The following SLC4A4 variants were observed in gnomAD, a reference collection of about 807,000 sequenced individuals.
SLC4A4 encodes electrogenic sodium bicarbonate cotransporter 1.
Under a neutral mutation model 111.5 loss-of-function variants are expected in SLC4A4, and 27 were observed. The ratio of observed to expected loss-of-function variants is 0.24; its 90% CI spans 0.18 to 0.33. The LOEUF is 0.33. Ranked by LOEUF, SLC4A4 falls within the 10% of genes least tolerant of loss-of-function variation. The probability of loss-of-function intolerance (pLI) is 1.00; values close to 1 mark genes in which losing one functional copy is unlikely to be tolerated. For synonymous variants in SLC4A4, 443 were observed against 463.4 expected, an observed-to-expected ratio of 0.96 and a Z score of 0.57; for missense variants, 909 against 1,315.5, an observed-to-expected ratio of 0.69 and a Z score of 4.78.
At position 71,571,809 on chromosome 4, in the gene SLC4A4, A is replaced by G. The variant is rs1338552021; in HGVS notation, c.*4058A>G. On this transcript the variant is annotated 3_prime_UTR_variant, in exon 26 of 26. Transcript: ENST00000264485. ...CTTATTTTTATTCTCTTAAGTCTTT[A>G]TTAACTTTGGAGAGAGAAATGATGC... 6.6e-6 allele frequency: 1 copy of G among 152,224 alleles called. No homozygotes were observed. Among genetic ancestry groups the G allele is most frequent in the Admixed American group, 6.6e-5 (1 of 15,172 alleles). The allele number at this position is 152,224 out of a possible 1,614,324, so 9.4% of individuals were successfully genotyped here.
chr4:71,124,973 A>G (rs374002343), intron 2 of SLC4A4, among the ~76,000 whole-genome samples: 43 of 152,372 alleles, frequency 2.8e-4, no homozygotes, highest in African/African-American at 1.0e-3. Flanking sequence ...TTCAGACTGT[A>G]TGTCAGATGA....
In SLC4A4 at chr4:71,066,510, T is replaced by C. The variant is rs555976380; in HGVS notation, c.-65+3722T>C. Among the ~76,000 whole-genome samples, 5 of 152,300 alleles carry C rather than the reference T, an allele frequency of 3.3e-5. No homozygotes were observed. The South Asian group carries it at 6.2e-4, about 19-fold the overall frequency. Reference sequence around the variant, plus strand: ...CCCTTTACAAAAATCCCTGAGATGATAAAAATTTAGAAAATAAGAAGTTTT... The same window carrying C: ...CCCTTTACAAAAATCCCTGAGATGACAAAAATTTAGAAAATAAGAAGTTTT... On this transcript the variant is annotated intron_variant, in intron 1 of 26. Coordinates refer to the SLC4A4 transcript ENST00000649996.
intron 2 of SLC4A4, among the ~76,000 whole-genome samples, chr4:71,105,512 C>A (rs556338421): frequency 6.6e-6 from 1 of 151,570 alleles, no homozygotes; most frequent in Non-Finnish European, 1.5e-5. Context: ...CACTACCTGA[C>A]TTGAAACTAT....
intron 1 of SLC4A4, among the ~76,000 whole-genome samples, chr4:71,208,299 C>T (rs889396078): frequency 2.0e-4 from 30 of 151,980 alleles, no homozygotes; most frequent in East Asian, 3.9e-4. Flanking sequence ...GGTGTGGTGG[C>T]GGGCACCTGT....
chr4:71,200,747 G>A (rs1746211979), intron 1 of SLC4A4, among the ~76,000 whole-genome samples: 1 of 151,688 alleles, frequency 6.6e-6, no homozygotes, highest in Non-Finnish European at 1.5e-5. Context: ...CATGGCAGGT[G>A]TATACCTATC....
chr4:71,204,974 C>T (rs558396798), intron 1 of SLC4A4, among the ~76,000 whole-genome samples: 50 of 152,184 alleles, frequency 3.3e-4, no homozygotes, highest in Non-Finnish European at 6.0e-4. Flanking sequence ...CTGGATTTAA[C>T]GCATACATCC....
intron 3 of SLC4A4, among the ~76,000 whole-genome samples, chr4:71,334,696 G>A (rs1728291910): frequency 6.6e-6 from 1 of 152,172 alleles, no homozygotes; most frequent in South Asian, 2.1e-4. Context: ...ACCTATGAAA[G>A]GGGTTAGGCA....
At chr4:71,202,180 T>A (rs1412440957) in intron 1 of SLC4A4, among the ~76,000 whole-genome samples, 1 of 152,238 alleles carries the variant, frequency 6.6e-6, no homozygotes, top group East Asian at 1.9e-4. Flanking sequence ...TCTTAAACAT[T>A]TCAGAATCAT....
chr4:71,552,397 T>C (rs1487709464), intron 20 of SLC4A4, among the ~76,000 whole-genome samples: 1 of 151,324 alleles, frequency 6.6e-6, no homozygotes. Flanking sequence ...ACACATACAG[T>C]GACGATTATT....
intron 1 of SLC4A4, among the ~76,000 whole-genome samples, chr4:71,071,678 G>A (rs1004086407): frequency 6.6e-6 from 1 of 152,116 alleles, no homozygotes; most frequent in Admixed American, 6.5e-5. Flanking sequence ...CTCACAAATG[G>A]TAGCATACTA....
intron 1 of SLC4A4, among the ~76,000 whole-genome samples, chr4:71,087,146 A>T (rs1036092482): frequency 2.0e-5 from 3 of 152,126 alleles, no homozygotes; most frequent in Admixed American, 1.3e-4. Context: ...GGGTGTATGT[A>T]TCGAGGAATG....
chr4:71,450,519 A>G lies in SLC4A4; in HGVS notation c.1184A>G (p.Lys395Arg). 3 of 1,613,740 alleles carry G rather than the reference A, an allele frequency of 1.9e-6. No homozygotes were observed. The highest frequency in any genetic ancestry group is 2.5e-6 in the Non-Finnish European group (3 of 1,179,852). ...CCAGCAATTAGGATAGAGCCTCCTAAGAGTCTTCCATCCTCTGACAAAAGG... is the reference window on the plus strand; with the variant it reads ...CCAGCAATTAGGATAGAGCCTCCTAGGAGTCTTCCATCCTCTGACAAAAGG... Reference protein sequence around the residue: ...WDPAIRIEPPKSLPSSDKRKN... With the variant: ...WDPAIRIEPPRSLPSSDKRKN... Residue 395 changes from lysine (K) to arginine (R), a missense_variant, in exon 10 of 26, where the codon AAG becomes AGG. Coordinates refer to ENST00000264485, the MANE Select transcript of SLC4A4 (RefSeq NM_001098484.3).
chr4:71,349,792 C>CT (rs200387637), intron 4 of SLC4A4, 120 bp from the exon 5 acceptor site: 24,263 of 871,130 alleles, frequency 0.028, 462 homozygotes, highest in Middle Eastern at 0.081. Context: ...GCTATTAATA[C>CT]TCCACAAAAA....
chr4:71,225,956 T>A (rs1719022020), intron 1 of SLC4A4, among the ~76,000 whole-genome samples: 1 of 152,238 alleles, frequency 6.6e-6, no homozygotes, highest in African/African-American at 2.4e-5. Flanking sequence ...AAAACTAAGC[T>A]ACAATTTCTA....
chr4:71,075,480 C>T lies in SLC4A4; in HGVS notation c.-65+12692C>T, dbSNP rs568064598. Among the ~76,000 whole-genome samples, 9 of 152,256 alleles carry T rather than the reference C, an allele frequency of 5.9e-5. No homozygotes were observed. In the South Asian group the frequency reaches 1.5e-3, roughly 25 times the overall value. On this transcript the variant is annotated intron_variant, in intron 1 of 26. Transcript: ENST00000649996. ...TGATCTCCAGCTTCACTTCTCACCC[C>T]CTTCCTTCTTGCTCACTTCACATCA...
intron 2 of SLC4A4, among the ~76,000 whole-genome samples, chr4:71,179,080 A>G (rs987346710): frequency 2.0e-5 from 3 of 152,268 alleles, no homozygotes; most frequent in Non-Finnish European, 4.4e-5. Flanking sequence ...AATCCAGCAT[A>G]TAAACAGAAC....
At position 71,472,139 on chromosome 4, in the gene SLC4A4, T is replaced by G. The variant is rs1350309707; in HGVS notation, c.1632-560T>G. 2.0e-5 allele frequency among the ~76,000 whole-genome samples: 3 copies of G among 151,994 alleles called. No homozygotes were observed. The East Asian group carries it at 5.8e-4, about 29-fold the overall frequency. On this transcript the variant is annotated intron_variant, in intron 13 of 25. Transcript: ENST00000264485. ...GGTCTGTCCAGAAAGTTTCTACTAC[T>G]TATCCTTGAACACCTTGAATTTTTT... is the stretch of plus-strand genomic sequence containing the variant.
intron 14 of SLC4A4, among the ~76,000 whole-genome samples, chr4:71,484,949 T>C (rs1729235455): frequency 6.6e-6 from 1 of 151,164 alleles, no homozygotes; most frequent in South Asian, 2.1e-4. Context: ...TGATTGTTGT[T>C]AATATTTAGG....
chr4:71,245,817 C>T (rs1163349922), intron 2 of SLC4A4, among the ~76,000 whole-genome samples: 3 of 152,058 alleles, frequency 2.0e-5, no homozygotes, highest in Non-Finnish European at 2.9e-5. Flanking sequence ...CTCGATTGGA[C>T]TCTGCAAGTG....
Sources: gnomAD v4.1 joint callset for allele counts (sites outside exome capture counted in the v4.1 genomes callset) on GRCh38, gnomAD v4.1.1 for gene constraint, MANE v1.5 for transcripts, NCBI Gene and HGNC (gene_info 2026-07-23, HGNC 2026-07-21) for gene names.